MTG1: variants seen among roughly 807,000 people sequenced by gnomAD.
The protein encoded by MTG1 is mitochondrial ribosome-associated GTPase 1.
MTG1 carries 30 observed loss-of-function variants against 39.5 expected under a neutral mutation model. The observed-to-expected ratio is 0.76, with a 90% CI of 0.57 to 1.03. The LOEUF (loss-of-function observed/expected upper bound fraction) is 1.03. Ranked by LOEUF, MTG1 falls within the 50% of genes least tolerant of loss-of-function variation. MTG1 has a pLI of 0.00. For synonymous variants in MTG1, 217 were observed against 179.0 expected (o/e 1.21, Z -1.69); for missense variants, 513 against 447.4 (o/e 1.15, Z -1.32).
chr10:133,404,458 A>G (rs963837353), intron 9 of MTG1, among the ~76,000 whole-genome samples: 2 of 140,568 alleles, frequency 1.4e-5, no homozygotes, highest in African/African-American at 2.6e-5. Flanking sequence ...TCTGGATACA[A>G]GTCCTTAATC....
chr10:133,412,071 T>C (rs954564512), intron 9 of MTG1, among the ~76,000 whole-genome samples: 31 of 152,188 alleles, frequency 2.0e-4, no homozygotes, highest in Admixed American at 2.0e-3. Flanking sequence ...TGGCTTTTTT[T>C]TTCTTGGATG....
At position 133,421,904 on chromosome 10, in the gene MTG1, G is replaced by GGGGGGGGGT. The variant is rs1850244509; in HGVS notation, c.*1744_*1745insGGGTGGGGG. 5 of 138,186 alleles carry GGGGGGGGGT rather than the reference G, an allele frequency of 3.6e-5. 1 individual carries two copies. The highest frequency in any genetic ancestry group is 7.6e-5 in the Non-Finnish European group (5 of 66,106). 8.6% of individuals were successfully genotyped at this position (138,186 alleles called of 1,614,324 possible). ...GAGGGTGAGATCCCAAGGCCACGGC[G>GGGGGGGGGT]GGGGGCAGGGAGAACCCCTCCTACC... On this transcript the variant is annotated 3_prime_UTR_variant, in exon 11 of 11. Coordinates refer to ENST00000317502, the MANE Select transcript of MTG1 (RefSeq NM_138384.4).
chr10:133,421,971 C>G lies in MTG1; in HGVS notation c.*1806C>G, dbSNP rs992970511. On this transcript the variant is annotated 3_prime_UTR_variant, in exon 11 of 11. Coordinates refer to ENST00000317502, the MANE Select transcript of MTG1 (RefSeq NM_138384.4). ...CTGGAGAGCTAGAGAACGTGGCAGA[C>G]CCAAGACCTCTCAGTGCTGAGCCCA... The G allele has an allele frequency of 6.6e-6, 1 of 150,458 alleles. No homozygotes were observed. The highest frequency in any genetic ancestry group is 2.5e-5 in the African/African-American group (1 of 40,810). The allele number at this position is 150,458 out of a possible 1,614,324, so 9.3% of individuals were successfully genotyped here.
chr10:133,401,525 A>G lies in MTG1; in HGVS notation c.512-4A>G. On this transcript the variant is annotated splice_region_variant and splice_polypyrimidine_tract_variant and intron_variant, in intron 6 of 10. Coordinates refer to ENST00000317502, the MANE Select transcript of MTG1 (RefSeq NM_138384.4). Reference sequence around the variant, plus strand: ...TTGAGCCTCCTTTTCTCCTTTTCCTACAGGGAAAGCCACCAGGGTGGGTGG... The same window carrying G: ...TTGAGCCTCCTTTTCTCCTTTTCCTGCAGGGAAAGCCACCAGGGTGGGTGG... 1 of 1,562,524 alleles carries G rather than the reference A, an allele frequency of 6.4e-7. No individual in the cohort carries two copies. Among genetic ancestry groups the G allele is most frequent in the Non-Finnish European group, 8.7e-7 (1 of 1,154,990 alleles).
intron 4 of MTG1, 62 bp downstream of exon 4, chr10:133,398,577 A>C (rs1849822884): frequency 6.5e-7 from 1 of 1,536,290 alleles, no homozygotes; most frequent in African/African-American, 1.4e-5. Context: ...GGAGCATTAT[A>C]AACTGTTTTA....
In MTG1 at chr10:133,399,357, C is replaced by G. The variant is rs1564818859; in HGVS notation, c.420+131C>G. On this transcript the variant is annotated intron_variant, in intron 5 of 10. Transcript: ENST00000317502. ...GGCCCCTCCTTTGTCCTCTCATTCT[C>G]TTCAGTGGAAAGGGCCGAGGCCGTC... 2.3e-5 allele frequency: 29 copies of G among 1,263,708 alleles called. No homozygotes were observed. The East Asian group carries it at 7.1e-4, about 31-fold the overall frequency. The allele number at this position is 1,263,708 out of a possible 1,614,324, so 78.3% of individuals were successfully genotyped here.
intron 9 of MTG1, among the ~76,000 whole-genome samples, chr10:133,403,054 C>T (rs1849911734): frequency 1.4e-5 from 2 of 142,134 alleles, no homozygotes; most frequent in African/African-American, 2.6e-5. Context: ...ATCCCTGCTC[C>T]TCCTTCGTGA....
At chr10:133,400,016 C>G (rs2133495898) in intron 6 of MTG1, among the ~76,000 whole-genome samples, 1 of 152,154 alleles carries the variant, frequency 6.6e-6, no homozygotes, top group Middle Eastern at 3.4e-3. Flanking sequence ...AACGGTGAAA[C>G]CCCGTCTCTA....
Position 133,394,348 on chromosome 10 carries a change from G to A in MTG1, c.112+16G>A, listed in dbSNP as rs1849747066. 1 of 1,485,874 alleles carries A rather than the reference G, an allele frequency of 6.7e-7. No homozygotes were observed. The allele number at this position is 1,485,874 out of a possible 1,614,324, so 92.0% of individuals were successfully genotyped here. A position where few individuals can be genotyped will look rare whatever the true frequency, so the allele number is the denominator to read the frequency against. The stretch of plus-strand genomic sequence containing the variant: ...ATGGCCAAGGGTGAGGCACGGCGGG[G>A]AGGGGCAAGGTCATGCCTACGGCCG... On this transcript the variant is annotated intron_variant, in intron 1 of 10. Coordinates refer to ENST00000317502, the MANE Select transcript of MTG1 (RefSeq NM_138384.4).
At position 133,419,557 on chromosome 10, in the gene MTG1, G is replaced by A. The variant is rs775234597; in HGVS notation, c.830G>A (p.Gly277Glu). ...CTGAAGAGTGTGGCTGTGAAGCTGG[G>A]GAAGACGCAGAAGGTGAAGGTGCTC... ...RVLKSVAVKL[G>E]KTQKVKVLTG... The change falls in exon 10 of 11, where the codon GGG becomes GAG. Residue 277 changes from glycine to glutamate, a missense_variant. Transcript: ENST00000317502. 15 of 1,609,660 alleles carry A rather than the reference G, an allele frequency of 9.3e-6. No individual in the cohort carries two copies. The highest frequency in any genetic ancestry group is 1.3e-5 in the Non-Finnish European group (15 of 1,178,394).
chr10:133,399,796 C>T (rs542095469), intron 6 of MTG1, 177 bp downstream of exon 6: 4 of 556,250 alleles, frequency 7.2e-6, no homozygotes, highest in Non-Finnish European at 1.3e-5. Context: ...GAGGGCTGAA[C>T]AGTGGGACCA....
rs763075005 is a variant in MTG1 at position 133,399,163 on chromosome 10, G to C, written c.364-7G>C. 1 of 1,614,206 alleles carries C rather than the reference G, an allele frequency of 6.2e-7. No individual in the cohort carries two copies. Among genetic ancestry groups the C allele is most frequent in the Non-Finnish European group, 8.5e-7 (1 of 1,180,040 alleles). ...GGGGTGGCTCCATGAGTGGGTGTTT[G>C]TTGCAGATCATCCCGATGGTCACTG... On this transcript the variant is annotated splice_region_variant and splice_polypyrimidine_tract_variant and intron_variant, in intron 4 of 10. Coordinates refer to ENST00000317502, the MANE Select transcript of MTG1 (RefSeq NM_138384.4).
At chr10:133,412,886 GA>G (rs1257762553) in intron 9 of MTG1, among the ~76,000 whole-genome samples, 2 of 152,210 alleles carry the variant, frequency 1.3e-5, no homozygotes, top group African/African-American at 2.4e-5. Flanking sequence ...ATTATTGTGA[GA>G]GGGGCACTGA....
chr10:133,396,759 A>C (rs1180457583), intron 3 of MTG1, among the ~76,000 whole-genome samples: 1 of 152,224 alleles, frequency 6.6e-6, no homozygotes, highest in East Asian at 1.9e-4. Context: ...CCTAGGAAAA[A>C]CCAGGCCATA....
intron 6 of MTG1, 110 bp downstream of exon 6, chr10:133,399,729 CT>C: frequency 9.1e-7 from 1 of 1,097,374 alleles, no homozygotes; most frequent in Non-Finnish European, 1.4e-6. Context: ...CACTGCCAGT[CT>C]TCTGCTGACC....
rs1014814146 is a variant in MTG1 at position 133,399,322 on chromosome 10, C to A, written c.420+96C>A. On this transcript the variant is annotated intron_variant, in intron 5 of 10. Transcript: ENST00000317502. ...TCTCCAAGGAGAAGGCGCAGCGCCCCAGGCAGGGAGGCCCCTCCTTTGTCC... is the reference window on the plus strand; with the variant it reads ...TCTCCAAGGAGAAGGCGCAGCGCCCAAGGCAGGGAGGCCCCTCCTTTGTCC... 1.3e-5 allele frequency: 19 copies of A among 1,448,380 alleles called. No homozygotes were observed. The South Asian group carries it at 2.1e-4, about 16-fold the overall frequency. 89.7% of individuals were successfully genotyped at this position (1,448,380 alleles called of 1,614,324 possible).
At chr10:133,401,384 C>T in intron 6 of MTG1, 145 bp from the exon 7 acceptor site, 1 of 608,996 alleles carries the variant, frequency 1.6e-6, no homozygotes. Context: ...GTTACATAGT[C>T]TCCCTGCTTG....
rs540748355 is a variant in MTG1, at chr10:133,409,966, C to T, written c.752+7193C>T. On this transcript the variant is annotated intron_variant, in intron 9 of 10. Coordinates refer to ENST00000317502, the MANE Select transcript of MTG1 (RefSeq NM_138384.4). ...TTTCCACCCTTTGACTTTCAGTCTG[C>T]GTATGTCTTTATAGGTAAAGTCGGT... 1.7e-4 allele frequency among the ~76,000 whole-genome samples: 25 copies of T among 149,688 alleles called. No homozygotes were observed. In the East Asian group the frequency reaches 2.6e-3, roughly 15 times the overall value.
intron 9 of MTG1, among the ~76,000 whole-genome samples, chr10:133,404,911 G>A (rs1849948525): frequency 6.6e-6 from 1 of 152,188 alleles, no homozygotes; most frequent in Non-Finnish European, 1.5e-5. Flanking sequence ...GACCGTCTTG[G>A]TAACTGCTTC....
Sources: gnomAD v4.1 joint callset for allele counts (sites outside exome capture counted in the v4.1 genomes callset) on GRCh38, gnomAD v4.1.1 for gene constraint, MANE v1.5 for transcripts, NCBI Gene and HGNC (gene_info 2026-07-23, HGNC 2026-07-21) for gene names.